LHFPL2: variants seen among roughly 807,000 people sequenced by gnomAD.
LHFPL2 encodes the protein LHFPL tetraspan subfamily member 2, also known as LHFPL tetraspan subfamily member 2 protein.
A neutral mutation model predicts 17.5 loss-of-function variants in LHFPL2; 7 were observed. That is an observed-to-expected ratio of 0.40 (90% CI 0.23 to 0.75). LHFPL2 has a LOEUF of 0.75. Ranked by LOEUF, LHFPL2 falls within the 30% of genes least tolerant of loss-of-function variation. The pLI is 0.37. For synonymous variants in LHFPL2, 134 were observed against 116.2 expected (o/e 1.15, Z -0.99); for missense variants, 241 against 294.8 (o/e 0.82, Z 1.34).
chr5:78,501,431 G>T (rs1039265620), intron 4 of LHFPL2, among the ~76,000 whole-genome samples: 6 of 152,180 alleles, frequency 3.9e-5, no homozygotes, highest in Admixed American at 3.9e-4. Flanking sequence ...CCCTTCTGCG[G>T]GGTAAGAGAT....
chr5:78,540,222 G>A (rs1258702843), intron 3 of LHFPL2, among the ~76,000 whole-genome samples: 1 of 152,174 alleles, frequency 6.6e-6, no homozygotes, highest in African/African-American at 2.4e-5. Context: ...ACTGAACTAC[G>A]AAATGGAACT....
At chr5:78,509,723 G>A in intron 4 of LHFPL2, 61 bp downstream of exon 4, 1 of 1,522,458 alleles carries the variant, frequency 6.6e-7, no homozygotes, top group Non-Finnish European at 9.0e-7. Context: ...GTACCAGAGT[G>A]CGCTGCACCG....
chr5:78,535,159 C>A (rs1048583764), intron 3 of LHFPL2, among the ~76,000 whole-genome samples: 1 of 152,210 alleles, frequency 6.6e-6, no homozygotes, highest in Admixed American at 6.5e-5. Context: ...CCCCAAGCCA[C>A]GCCACAGGGT....
intron 2 of LHFPL2, among the ~76,000 whole-genome samples, chr5:78,585,402 A>C (rs1743346152): frequency 6.6e-6 from 1 of 151,950 alleles, no homozygotes; most frequent in African/African-American, 2.4e-5. Flanking sequence ...TTCTTTGACT[A>C]GGAAAGGGAA....
At chr5:78,639,120 C>A (rs1233581222) in intron 1 of LHFPL2, among the ~76,000 whole-genome samples, 1 of 152,176 alleles carries the variant, frequency 6.6e-6, no homozygotes, top group Non-Finnish European at 1.5e-5. Flanking sequence ...GGCCCCCCAG[C>A]CACCTGTCCA....
chr5:78,571,839 T>A (rs1047643802), intron 2 of LHFPL2, among the ~76,000 whole-genome samples: 1 of 152,202 alleles, frequency 6.6e-6, no homozygotes, highest in African/African-American at 2.4e-5. Context: ...GCTAGGTAAG[T>A]ACAGAAATAG....
intron 4 of LHFPL2, among the ~76,000 whole-genome samples, chr5:78,502,415 G>A (rs137987547): frequency 6.6e-6 from 1 of 152,180 alleles, no homozygotes; most frequent in Non-Finnish European, 1.5e-5. Context: ...ACTCTAGAAC[G>A]TTGAAATACA....
At chr5:78,542,422 T>G (rs564356871) in intron 3 of LHFPL2, among the ~76,000 whole-genome samples, 3 of 152,282 alleles carry the variant, frequency 2.0e-5, no homozygotes, top group Non-Finnish European at 4.4e-5. Context: ...TCCTGGGACT[T>G]CCAGGAATCA....
intron 1 of LHFPL2, chr5:78,644,488 G>A (rs1456503539): frequency 1.6e-6 from 1 of 611,880 alleles, no homozygotes; most frequent in African/African-American, 1.9e-5. Context: ...ACTCACCAAT[G>A]GTAGGCCGGG....
At chr5:78,552,166 C>T (rs1756462241) in intron 3 of LHFPL2, among the ~76,000 whole-genome samples, 1 of 150,342 alleles carries the variant, frequency 6.7e-6, no homozygotes, top group East Asian at 1.9e-4. Flanking sequence ...CAGAGTCTCG[C>T]TCTGTTGCCC....
intron 2 of LHFPL2, among the ~76,000 whole-genome samples, chr5:78,618,797 G>A (rs1384800545): frequency 1.3e-5 from 2 of 152,126 alleles, no homozygotes; most frequent in African/African-American, 4.8e-5. Context: ...CACTCTAAAG[G>A]TAACATGCAC....
chr5:78,647,296 T>C (rs907446463), intron 1 of LHFPL2, among the ~76,000 whole-genome samples: 9 of 152,210 alleles, frequency 5.9e-5, no homozygotes, highest in African/African-American at 2.2e-4. Context: ...GAATCAGGAA[T>C]ACCAGCAAAA....
chr5:78,557,366 G>A (rs750401121), intron 3 of LHFPL2, among the ~76,000 whole-genome samples: 1 of 152,160 alleles, frequency 6.6e-6, no homozygotes, highest in Non-Finnish European at 1.5e-5. Flanking sequence ...TGGTGACCCT[G>A]ACCTTGAATG....
chr5:78,526,353 G>A lies in LHFPL2; in HGVS notation c.-185-15955C>T, dbSNP rs368353957. 1.4e-4 allele frequency among the ~76,000 whole-genome samples: 21 copies of A among 152,206 alleles called. No homozygotes were observed. In the Middle Eastern group the frequency reaches 0.01, roughly 74 times the overall value. Reference sequence around the variant, plus strand: ...ATAAGCTGTTAAAAACAATCATCTTGACTTTCTATCTGACTCATAGCGAAT... The same window carrying A: ...ATAAGCTGTTAAAAACAATCATCTTAACTTTCTATCTGACTCATAGCGAAT... On this transcript the variant is annotated intron_variant, in intron 3 of 4. Coordinates refer to ENST00000380345, the MANE Select transcript of LHFPL2 (RefSeq NM_005779.3).
At chr5:78,599,788 A>G (rs1419866085) in intron 2 of LHFPL2, among the ~76,000 whole-genome samples, 2 of 152,148 alleles carry the variant, frequency 1.3e-5, no homozygotes, top group African/African-American at 4.8e-5. Context: ...AGCCTTCAGC[A>G]TGTACAACTG....
intron 1 of LHFPL2, among the ~76,000 whole-genome samples, chr5:78,634,251 T>A (rs1245165960): frequency 2.0e-5 from 3 of 152,084 alleles, no homozygotes; most frequent in African/African-American, 7.2e-5. Context: ...AGCACTCAGG[T>A]CATGAAGGGA....
At chr5:78,643,147 CA>C (rs1378590754) in intron 1 of LHFPL2, among the ~76,000 whole-genome samples, 3 of 152,240 alleles carry the variant, frequency 2.0e-5, no homozygotes, top group African/African-American at 7.2e-5. Context: ...CTTCCCAGCA[CA>C]ACCTTGACTC....
intron 2 of LHFPL2, among the ~76,000 whole-genome samples, chr5:78,571,409 C>T (rs1302670358): frequency 1.3e-5 from 2 of 152,144 alleles, no homozygotes; most frequent in African/African-American, 4.8e-5. Flanking sequence ...CCACCCTCGC[C>T]TCTGCCCTCT....
At chr5:78,579,835 TTA>T (rs544286677) in intron 2 of LHFPL2, among the ~76,000 whole-genome samples, 2,439 of 152,242 alleles carry the variant, frequency 0.016, 68 homozygotes, top group African/African-American at 0.055. Flanking sequence ...GCAGCATGAT[TTA>T]TAGTCTTTTG....
Sources: allele counts gnomAD v4.1 joint callset (sites outside exome capture counted in the v4.1 genomes callset), GRCh38; gene constraint gnomAD v4.1.1; transcripts MANE v1.5; gene names NCBI Gene and HGNC (gene_info 2026-07-23, HGNC 2026-07-21).